The following BANK1 variants were observed in gnomAD, a reference collection of about 807,000 sequenced individuals.
The protein encoded by BANK1 is B-cell scaffold protein with ankyrin repeats.
Under a neutral mutation model 94.5 loss-of-function variants are expected in BANK1, and 95 were observed. The ratio of observed to expected loss-of-function variants is 1.00; its 90% CI spans 0.85 to 1.19. The LOEUF (loss-of-function observed/expected upper bound fraction) is 1.19, where lower values mean the gene tolerates loss of function less well. Among genes scored for constraint, BANK1 ranks in the 50% most tolerant of loss-of-function variants. BANK1 has a pLI of 0.00. For synonymous variants in BANK1, 334 were observed against 308.4 expected (o/e 1.08, Z -0.87); for missense variants, 987 against 932.2 (o/e 1.06, Z -0.77).
intron 7 of BANK1, among the ~76,000 whole-genome samples, chr4:101,944,073 A>T (rs1723847036): frequency 6.6e-6 from 1 of 151,550 alleles, no homozygotes; most frequent in Non-Finnish European, 1.5e-5. Context: ...AGACAGACAG[A>T]CAGAGAGAGA....
At chr4:102,044,581 G>A (rs1383162995) in intron 11 of BANK1, among the ~76,000 whole-genome samples, 1 of 126,980 alleles carries the variant, frequency 7.9e-6, no homozygotes, top group Non-Finnish European at 1.6e-5. Context: ...GGTATTTCCA[G>A]TTCTAGATCC....
At chr4:101,931,174 A>T (rs1481303631) in intron 7 of BANK1, among the ~76,000 whole-genome samples, 1 of 151,658 alleles carries the variant, frequency 6.6e-6, no homozygotes, top group African/African-American at 2.4e-5. Flanking sequence ...AATTTTAGGT[A>T]CCTACTTTCC....
chr4:101,977,655 T>C (rs1725181463), intron 7 of BANK1, among the ~76,000 whole-genome samples: 1 of 152,244 alleles, frequency 6.6e-6, no homozygotes. Context: ...CTTTCTTTCA[T>C]GTATTTTCTG....
chr4:101,991,021 G>T (rs1007261972), intron 7 of BANK1, among the ~76,000 whole-genome samples: 1 of 152,166 alleles, frequency 6.6e-6, no homozygotes, highest in Non-Finnish European at 1.5e-5. Context: ...GTACCATGCT[G>T]GGAGTTTTCA....
At chr4:101,966,445 G>C (rs1490171743) in intron 7 of BANK1, among the ~76,000 whole-genome samples, 1 of 152,040 alleles carries the variant, frequency 6.6e-6, no homozygotes, top group East Asian at 1.9e-4. Flanking sequence ...GAATCTGGTT[G>C]TGATAGACAT....
At chr4:101,801,732 T>A (rs2148850499) in intron 1 of BANK1, among the ~76,000 whole-genome samples, 1 of 152,386 alleles carries the variant, frequency 6.6e-6, no homozygotes, top group South Asian at 2.1e-4. Context: ...CATATTTCTC[T>A]TGTGCTTTTT....
intron 13 of BANK1, among the ~76,000 whole-genome samples, chr4:102,065,455 T>C (rs956991960): frequency 6.6e-6 from 1 of 152,154 alleles, no homozygotes; most frequent in African/African-American, 2.4e-5. Flanking sequence ...AAACGAGAAC[T>C]ACCGTCATCA....
intron 7 of BANK1, among the ~76,000 whole-genome samples, chr4:101,938,123 G>A (rs932892251): frequency 3.3e-5 from 5 of 151,718 alleles, no homozygotes; most frequent in Admixed American, 6.6e-5. Context: ...AGCATTAGGA[G>A]GAATACCTAA....
At chr4:101,901,434 T>A (rs1467093718) in intron 6 of BANK1, among the ~76,000 whole-genome samples, 1 of 152,214 alleles carries the variant, frequency 6.6e-6, no homozygotes, top group Non-Finnish European at 1.5e-5. Context: ...CATTTTCCAA[T>A]GTAGTGAACC....
intron 7 of BANK1, among the ~76,000 whole-genome samples, chr4:102,013,834 T>C (rs1726602371): frequency 6.6e-6 from 1 of 152,040 alleles, no homozygotes; most frequent in Non-Finnish European, 1.5e-5. Flanking sequence ...TATTAAAAAA[T>C]AGGGCAACAT....
chr4:101,793,401 A>G (rs1393570021), intron 1 of BANK1, among the ~76,000 whole-genome samples: 1 of 152,220 alleles, frequency 6.6e-6, no homozygotes, highest in Non-Finnish European at 1.5e-5. Context: ...TGATAAGGTC[A>G]CTTTTGCTAG....
chr4:101,805,249 A>G (rs1424459401), intron 1 of BANK1, among the ~76,000 whole-genome samples: 1 of 152,202 alleles, frequency 6.6e-6, no homozygotes, highest in Non-Finnish European at 1.5e-5. Context: ...ATATTTTTCT[A>G]TCTAAAATGA....
At chr4:101,795,165 A>G (rs1725113725) in intron 1 of BANK1, among the ~76,000 whole-genome samples, 1 of 152,086 alleles carries the variant, frequency 6.6e-6, no homozygotes, top group Non-Finnish European at 1.5e-5. Flanking sequence ...TTTCAGAGGA[A>G]TAATATAGTG....
At chr4:101,932,810 A>G (rs138532249) in intron 7 of BANK1, among the ~76,000 whole-genome samples, 1 of 151,676 alleles carries the variant, frequency 6.6e-6, no homozygotes, top group East Asian at 2.0e-4. Context: ...CCTCTCACAG[A>G]TAGATTAAAA....
intron 7 of BANK1, among the ~76,000 whole-genome samples, chr4:102,012,440 T>A (rs931118423): frequency 2.6e-5 from 4 of 152,166 alleles, no homozygotes; most frequent in Non-Finnish European, 4.4e-5. Flanking sequence ...GAGGGATTAT[T>A]CCAGCCATAT....
intron 7 of BANK1, among the ~76,000 whole-genome samples, chr4:101,938,783 A>G (rs1723653673): frequency 6.6e-6 from 1 of 151,680 alleles, no homozygotes; most frequent in Non-Finnish European, 1.5e-5. Context: ...GACTGTGAAT[A>G]TATGTTCTCT....
chr4:101,983,637 T>C (rs1318415079), intron 7 of BANK1, among the ~76,000 whole-genome samples: 3 of 152,022 alleles, frequency 2.0e-5, no homozygotes, highest in African/African-American at 7.2e-5. Flanking sequence ...TCACAGATAT[T>C]TAAAAGCTAA....
intron 6 of BANK1, among the ~76,000 whole-genome samples, chr4:101,899,628 G>C (rs1722206655): frequency 6.6e-6 from 1 of 152,072 alleles, no homozygotes; most frequent in African/African-American, 2.4e-5. Context: ...TATTTCCCCA[G>C]ATGTGAATTT....
At chr4:102,065,279 C>T (rs1340766254) in intron 13 of BANK1, among the ~76,000 whole-genome samples, 2 of 152,070 alleles carry the variant, frequency 1.3e-5, no homozygotes, top group East Asian at 3.9e-4. Flanking sequence ...TCAAACCAAG[C>T]CCCAACAAGA....
Sources: allele counts gnomAD v4.1 joint callset (sites outside exome capture counted in the v4.1 genomes callset), GRCh38; gene constraint gnomAD v4.1.1; transcripts MANE v1.5; gene names NCBI Gene and HGNC (gene_info 2026-07-23, HGNC 2026-07-21).